PRKG1: variants seen among roughly 807,000 people sequenced by gnomAD.
PRKG1 encodes cGMP-dependent protein kinase 1.
PRKG1 carries 35 observed loss-of-function variants against 88.1 expected under a neutral mutation model. That is an observed-to-expected ratio of 0.40 (90% CI 0.30 to 0.53). PRKG1 has a LOEUF of 0.53. Ranked by LOEUF, PRKG1 falls within the 20% of genes least tolerant of loss-of-function variation. PRKG1 has a pLI of 0.59. For synonymous variants in PRKG1, 303 were observed against 292.5 expected (o/e 1.04, Z -0.37); for missense variants, 540 against 839.8 (o/e 0.64, Z 4.41).
intron 5 of PRKG1, among the ~76,000 whole-genome samples, chr10:51,950,927 G>A (rs563375226): frequency 1.1e-4 from 16 of 152,264 alleles, no homozygotes; most frequent in Non-Finnish European, 2.2e-4. Flanking sequence ...GAGAGCGGAC[G>A]TGGGGGTGGT....
intron 3 of PRKG1, among the ~76,000 whole-genome samples, chr10:51,562,793 G>A (rs756215776): frequency 6.6e-6 from 1 of 152,018 alleles, no homozygotes; most frequent in East Asian, 1.9e-4. Flanking sequence ...TTTAGAGACA[G>A]AGTCTCATTC....
At chr10:51,647,448 C>T (rs1175347822) in intron 3 of PRKG1, among the ~76,000 whole-genome samples, 4 of 152,204 alleles carry the variant, frequency 2.6e-5, no homozygotes, top group African/African-American at 9.7e-5. Flanking sequence ...AGGGAAGCAG[C>T]GTCCAAGGAC....
chr10:52,073,683 A>G (rs949971755), intron 7 of PRKG1, among the ~76,000 whole-genome samples: 42 of 152,208 alleles, frequency 2.8e-4, no homozygotes, highest in African/African-American at 9.9e-4. Flanking sequence ...ATAGGCATGT[A>G]GAAGCTGACC....
At chr10:51,808,038 A>G (rs972996439) in intron 4 of PRKG1, among the ~76,000 whole-genome samples, 1 of 152,090 alleles carries the variant, frequency 6.6e-6, no homozygotes, top group African/African-American at 2.4e-5. Context: ...ACTTGGTACC[A>G]TTTATTTTTC....
intron 3 of PRKG1, among the ~76,000 whole-genome samples, chr10:51,551,473 C>A (rs533563752): frequency 1.1e-4 from 16 of 151,778 alleles, no homozygotes; most frequent in African/African-American, 2.7e-4. Flanking sequence ...AGAATTTGTT[C>A]ATAAACAGAT....
At chr10:51,655,939 TC>T (rs1448282273) in intron 3 of PRKG1, among the ~76,000 whole-genome samples, 1 of 152,182 alleles carries the variant, frequency 6.6e-6, no homozygotes, top group Non-Finnish European at 1.5e-5. Context: ...GTTTAAATTT[TC>T]AAGTGCTGGG....
intron 2 of PRKG1, among the ~76,000 whole-genome samples, chr10:51,203,060 A>G (rs1351008940): frequency 6.6e-6 from 1 of 152,026 alleles, no homozygotes; most frequent in Non-Finnish European, 1.5e-5. Flanking sequence ...TAGGAGTAGA[A>G]CTCATAAGAC....
At chr10:51,608,065 A>G (rs1307133119) in intron 3 of PRKG1, among the ~76,000 whole-genome samples, 1 of 152,148 alleles carries the variant, frequency 6.6e-6, no homozygotes. Context: ...TTCAACCCCT[A>G]CTTGCTGTCG....
intron 5 of PRKG1, among the ~76,000 whole-genome samples, chr10:51,989,786 T>A (rs566088344): frequency 7.4e-4 from 113 of 152,166 alleles, no homozygotes; most frequent in African/African-American, 2.4e-3. Context: ...GTAACTTTTT[T>A]TATAAACATT....
At chr10:51,499,954 G>T (rs1266610564) in intron 3 of PRKG1, among the ~76,000 whole-genome samples, 1 of 152,034 alleles carries the variant, frequency 6.6e-6, no homozygotes, top group East Asian at 1.9e-4. Flanking sequence ...GTGAGAACCT[G>T]TCTCTAAAAT....
intron 2 of PRKG1, among the ~76,000 whole-genome samples, chr10:51,403,365 A>G (rs1837812685): frequency 6.6e-6 from 1 of 151,508 alleles, no homozygotes; most frequent in African/African-American, 2.4e-5. Context: ...TAAAGAAAAG[A>G]AAGTTGATTA....
chr10:51,434,907 C>T (rs1030775959), intron 2 of PRKG1, among the ~76,000 whole-genome samples: 3 of 152,006 alleles, frequency 2.0e-5, no homozygotes, highest in Admixed American at 6.6e-5. Context: ...TATTTCCTTA[C>T]ATGTAATAAA....
intron 1 of PRKG1, among the ~76,000 whole-genome samples, chr10:51,038,039 G>T (rs1014347306): frequency 6.6e-6 from 1 of 152,098 alleles, no homozygotes. Context: ...AACCAATTAT[G>T]TGTTTGTGTG....
intron 2 of PRKG1, among the ~76,000 whole-genome samples, chr10:51,186,984 G>GTATA (rs1339897358): frequency 8.4e-6 from 1 of 118,762 alleles, no homozygotes; most frequent in Non-Finnish European, 1.8e-5. Context: ...ATATATATAT[G>GTATA]TATATATATA....
At chr10:52,182,769 G>T (rs1329432341) in intron 9 of PRKG1, among the ~76,000 whole-genome samples, 2 of 150,268 alleles carry the variant, frequency 1.3e-5, no homozygotes, top group South Asian at 2.1e-4. Context: ...ATTTCTGAGG[G>T]CTCTGTTCTG....
chr10:51,280,778 C>G (rs1448087791), intron 2 of PRKG1, among the ~76,000 whole-genome samples: 1 of 152,102 alleles, frequency 6.6e-6, no homozygotes, highest in Non-Finnish European at 1.5e-5. Flanking sequence ...AATCTTTTTT[C>G]AAGGTTTTTA....
intron 1 of PRKG1, among the ~76,000 whole-genome samples, chr10:51,046,800 A>G (rs1374588312): frequency 6.6e-6 from 1 of 152,240 alleles, no homozygotes; most frequent in Non-Finnish European, 1.5e-5. Flanking sequence ...CAGAATGCTA[A>G]GAAGATTTGG....
intron 5 of PRKG1, among the ~76,000 whole-genome samples, chr10:51,984,206 T>C (rs532298064): frequency 1.3e-5 from 2 of 152,270 alleles, no homozygotes; most frequent in South Asian, 2.1e-4. Flanking sequence ...TTGGGATTAG[T>C]ATATGGTAGA....
chr10:52,241,926 C>G (rs903759582), intron 9 of PRKG1, among the ~76,000 whole-genome samples: 1 of 152,152 alleles, frequency 6.6e-6, no homozygotes, highest in African/African-American at 2.4e-5. Flanking sequence ...TCTTAGTCTT[C>G]GGGTAGAAAA....
Sources: gnomAD v4.1 joint callset for allele counts (sites outside exome capture counted in the v4.1 genomes callset) on GRCh38, gnomAD v4.1.1 for gene constraint, MANE v1.5 for transcripts, NCBI Gene and HGNC (gene_info 2026-07-23, HGNC 2026-07-21) for gene names.